Variants in PCDHGA6 observed in about 807,000 individuals in gnomAD.
The protein encoded by PCDHGA6 is protocadherin gamma subfamily A, 6, also known as protocadherin gamma-A6.
PCDHGA6 carries 41 observed loss-of-function variants against 60.6 expected under a neutral mutation model. That is an observed-to-expected ratio of 0.68 (90% confidence interval 0.53 to 0.88). PCDHGA6 has a LOEUF of 0.88. PCDHGA6 is among the 40% of genes least tolerant of loss of function. The probability of loss-of-function intolerance (pLI) is 0.00; values close to 1 mark genes in which losing one functional copy is unlikely to be tolerated. For missense variants in PCDHGA6, 1,312 were observed against 1,203.0 expected (o/e 1.09, Z -1.34); for synonymous variants, 594 against 524.4 (o/e 1.13, Z -1.81).
At chr5:141,459,303 T>C (rs1419156629) in intron 1 of PCDHGA6, among the ~76,000 whole-genome samples, 1 of 152,242 alleles carries the variant, frequency 6.6e-6, no homozygotes, top group Non-Finnish European at 1.5e-5. Context: ...CTATAACATA[T>C]ACTATTTTGT....
intron 2 of PCDHGA6, among the ~76,000 whole-genome samples, chr5:141,501,294 C>CAT (rs200497585): frequency 0.16 from 9,924 of 62,810 alleles, 350 homozygotes; most frequent in Non-Finnish European, 0.25. Flanking sequence ...CCCTTATACA[C>CAT]ACACACACAC....
chr5:141,432,706 C>T lies in PCDHGA6; in HGVS notation c.2424+56199C>T, dbSNP rs761752571. ...GCCTCGTAGTGGCCGTCCAGGACCA[C>T]GGCCAGCCCCCTCTCTCCGCCACTG... On this transcript the variant is annotated intron_variant, in intron 1 of 3. Transcript: ENST00000517434. The surrounding 1 kb of genome is among the most constrained non-coding windows in gnomAD (Gnocchi z 6.0). 10 of 1,613,870 alleles carry T rather than the reference C, an allele frequency of 6.2e-6. No homozygotes were observed. The East Asian group carries it at 1.1e-4, about 18-fold the overall frequency.
chr5:141,502,179 A>C (rs1403845758), intron 2 of PCDHGA6, among the ~76,000 whole-genome samples: 3 of 152,218 alleles, frequency 2.0e-5, no homozygotes, highest in African/African-American at 7.2e-5. Context: ...GGAATTTAAC[A>C]TTAATACAAT....
rs1770858987 is a variant in PCDHGA6, at chr5:141,374,811, C to A, written c.728C>A (p.Thr243Asn). The A allele has an allele frequency of 6.2e-7, 1 of 1,613,868 alleles. No homozygotes were observed. Among genetic ancestry groups the A allele is most frequent in the Admixed American group, 1.7e-5 (1 of 60,000 alleles). Residue 243 changes from threonine to asparagine, a missense_variant, in exon 1 of 4, where the codon ACT (threonine) becomes AAT (asparagine). Physicochemically the swap from Thr to Asn is moderately conservative, Grantham distance 65 (BLOSUM62 0). Coordinates refer to ENST00000517434, the MANE Select transcript of PCDHGA6 (RefSeq NM_018919.3). ...GTGAATGACAACACTCCAATGTTTA[C>A]TCAGCCTGTCTACCGTGTAAGTGTT... The part of the protein sequence containing the change: ...LDVNDNTPMF[T>N]QPVYRVSVPE...
rs554845172 is a variant in PCDHGA6 at position 141,485,584 on chromosome 5, G to A, written c.2425-9223G>A. Reference sequence around the variant, plus strand: ...ACGCCCCCCGTTTTCCGCGGCAGCAGCTGGACTTGGAAATTGGGGAGGCAG... The same window carrying A: ...ACGCCCCCCGTTTTCCGCGGCAGCAACTGGACTTGGAAATTGGGGAGGCAG... On this transcript the variant is annotated intron_variant, in intron 1 of 3. Transcript: ENST00000517434. The surrounding 1 kb of genome is among the most constrained non-coding windows in gnomAD (Gnocchi z 5.7). The A allele has an allele frequency of 2.9e-5, 46 of 1,612,498 alleles. 1 individual carries two copies. The South Asian group carries it at 4.5e-4, about 16-fold the overall frequency.
chr5:141,385,110 C>A (rs1315178545), intron 1 of PCDHGA6: 2 of 1,614,076 alleles, frequency 1.2e-6, no homozygotes, highest in African/African-American at 2.7e-5. Context: ...ACGTGCCCAC[C>A]TCGCACTTTG....
chr5:141,481,794 A>G (rs1433830305), intron 1 of PCDHGA6, among the ~76,000 whole-genome samples: 1 of 152,136 alleles, frequency 6.6e-6, no homozygotes, highest in Non-Finnish European at 1.5e-5. Context: ...TCTACTAAAA[A>G]TACAAAAATT....
At chr5:141,413,606 T>C (rs756987695) in intron 1 of PCDHGA6, 1 of 1,613,848 alleles carries the variant, frequency 6.2e-7, no homozygotes, top group Admixed American at 1.7e-5. Context: ...AATCTAGACG[T>C]AAAAATTAAT....
chr5:141,450,104 T>A (rs1041853602), intron 1 of PCDHGA6, among the ~76,000 whole-genome samples: 1 of 150,664 alleles, frequency 6.6e-6, no homozygotes, highest in African/African-American at 2.5e-5. Flanking sequence ...CCTCCCAGGT[T>A]CAAATGATTC....
chr5:141,432,250 A>T lies in PCDHGA6; in HGVS notation c.2424+55743A>T. ...ATTCCCTGGCTGAGAACACCATCCA[A>T]GGGGCAAGCCTATCGTCCTACGTGT... is the stretch of plus-strand genomic sequence containing the variant. On this transcript the variant is annotated intron_variant, in intron 1 of 3. Transcript: ENST00000517434. This position sits in a 1 kb window ranked among gnomAD's most constrained non-coding sequence, Gnocchi z 6.0. 1 of 1,614,234 alleles carries T rather than the reference A, an allele frequency of 6.2e-7. No homozygotes were observed. Among genetic ancestry groups the T allele is most frequent in the Non-Finnish European group, 8.5e-7 (1 of 1,180,054 alleles).
chr5:141,467,233 A>G (rs1009794220), intron 1 of PCDHGA6, among the ~76,000 whole-genome samples: 1 of 151,564 alleles, frequency 6.6e-6, no homozygotes, highest in South Asian at 2.1e-4. Flanking sequence ...TTGTATTTTT[A>G]GTAGAGATGG....
intron 1 of PCDHGA6, chr5:141,414,389 A>G: frequency 1.9e-6 from 3 of 1,613,926 alleles, no homozygotes; most frequent in African/African-American, 2.7e-5. Context: ...ATTGACAGTT[A>G]TTACAGATTG....
At chr5:141,388,625 C>T (rs1417837696) in intron 1 of PCDHGA6, 2 of 1,613,794 alleles carry the variant, frequency 1.2e-6, no homozygotes, top group Non-Finnish European at 1.7e-6. Context: ...AAGACGTATA[C>T]AGGGTGAGCC....
intron 1 of PCDHGA6, chr5:141,478,644 T>C (rs1217932733): frequency 6.4e-7 from 1 of 1,552,238 alleles, no homozygotes. Flanking sequence ...GATGAAGATG[T>C]TTTCCTGGTG....
Position 141,447,603 on chromosome 5 carries a change from T to G in PCDHGA6, c.2425-47204T>G, listed in dbSNP as rs146950525. On this transcript the variant is annotated intron_variant, in intron 1 of 3. Transcript: ENST00000517434. ...ATACCTTAAACATCCTATAGAGTCC[T>G]TAGCATTTTAAAGTTGAAACCAACA... Among the ~76,000 whole-genome samples, 378 of 152,270 alleles carry G rather than the reference T, an allele frequency of 2.5e-3. 1 individual carries two copies. Among genetic ancestry groups the G allele is most frequent in the Non-Finnish European group, 4.5e-3 (309 of 68,030 alleles).
chr5:141,478,642 T>A (rs777741719), intron 1 of PCDHGA6: 1 of 1,552,350 alleles, frequency 6.4e-7, no homozygotes, highest in South Asian at 1.2e-5. Context: ...GTGATGAAGA[T>A]GTTTTCCTGG....
intron 1 of PCDHGA6, chr5:141,428,805 C>G (rs1468764398): frequency 6.6e-6 from 1 of 152,108 alleles, no homozygotes; most frequent in African/African-American, 2.4e-5. Flanking sequence ...GGGCCAGTAA[C>G]TTCATTATTA....
In PCDHGA6 at chr5:141,511,367, G is replaced by A. The variant is rs563286583; in HGVS notation, c.*194G>A. ...CCTTCCCCCCCAGGGGGTTGAATAT[G>A]CAAAAGCAGTTCCGCTGGGAACCCC... On this transcript the variant is annotated 3_prime_UTR_variant, in exon 4 of 4. Coordinates refer to ENST00000517434, the MANE Select transcript of PCDHGA6 (RefSeq NM_018919.3). 2.3e-6 allele frequency: 3 copies of A among 1,299,952 alleles called. No individual in the cohort carries two copies. Among genetic ancestry groups the A allele is most frequent in the Non-Finnish European group, 3.1e-6 (3 of 967,442 alleles). 80.5% of individuals were successfully genotyped at this position (1,299,952 alleles called of 1,614,324 possible).
intron 1 of PCDHGA6, chr5:141,377,269 TG>T (rs1449007533): frequency 2.1e-5 from 3 of 142,478 alleles, no homozygotes; most frequent in Non-Finnish European, 4.5e-5. Context: ...TTTTCTAATG[TG>T]GGAAAAAAAA....
Sources: allele counts gnomAD v4.1 joint callset (sites outside exome capture counted in the v4.1 genomes callset), GRCh38; gene constraint gnomAD v4.1.1; non-coding constraint Gnocchi (gnomAD v3.1); transcripts MANE v1.5; gene names NCBI Gene and HGNC (gene_info 2026-07-23, HGNC 2026-07-21).